RGL1: variants seen among roughly 807,000 people sequenced by gnomAD.
RGL1 encodes the protein ral guanine nucleotide dissociation stimulator like 1.
RGL1 carries 24 observed loss-of-function variants against 95.2 expected under a neutral mutation model. That is an observed-to-expected ratio of 0.25 (90% confidence interval 0.18 to 0.35). The LOEUF (loss-of-function observed/expected upper bound fraction) is 0.35. Among genes scored for constraint, RGL1 ranks in the 10% least tolerant of loss-of-function variants. The pLI is 1.00. For synonymous variants in RGL1, 329 were observed against 344.9 expected (o/e 0.95, Z 0.51); for missense variants, 715 against 936.3 (o/e 0.76, Z 3.08).
At chr1:183,848,929 G>A (rs1030136011) in intron 3 of RGL1, among the ~76,000 whole-genome samples, 1 of 151,992 alleles carries the variant, frequency 6.6e-6, no homozygotes, top group Non-Finnish European at 1.5e-5. Context: ...ACACTTTTGG[G>A]TGTATAGAAA....
At chr1:183,897,189 T>G (rs1667749572) in intron 9 of RGL1, among the ~76,000 whole-genome samples, 1 of 152,176 alleles carries the variant, frequency 6.6e-6, no homozygotes, top group Non-Finnish European at 1.5e-5. Context: ...ATTGCCTGGC[T>G]TGTATTGATG....
chr1:183,871,754 A>C (rs1484897501), intron 4 of RGL1, among the ~76,000 whole-genome samples: 1 of 152,218 alleles, frequency 6.6e-6, no homozygotes, highest in Non-Finnish European at 1.5e-5. Flanking sequence ...ACCACAACCG[A>C]CTAGTGTTCT....
Position 183,817,401 on chromosome 1 carries a change from G to T in RGL1, c.138+10916G>T, listed in dbSNP as rs113701631. ...GTCTTTCCATTTGCTGATTATAGCT[G>T]CTTCCTTCTTGCTTTCCATTTCTCT... On this transcript the variant is annotated intron_variant, in intron 2 of 17. Transcript: ENST00000360851. Among the ~76,000 whole-genome samples, 353 of 152,244 alleles carry T rather than the reference G, an allele frequency of 2.3e-3. 3 individuals are homozygous for T. Among genetic ancestry groups the T allele is most frequent in the African/African-American group, 7.8e-3 (326 of 41,558 alleles).
chr1:183,641,324 G>A (rs748790687), intron 1 of RGL1, among the ~76,000 whole-genome samples: 4 of 152,104 alleles, frequency 2.6e-5, no homozygotes, highest in Non-Finnish European at 5.9e-5. Context: ...TTGTAGAGAT[G>A]GGGTTTTGCT....
intron 17 of RGL1, among the ~76,000 whole-genome samples, chr1:183,925,213 G>T (rs1669549943): frequency 6.6e-6 from 1 of 152,180 alleles, no homozygotes. Context: ...TGTCTGTGAA[G>T]TGACAAGGTA....
chr1:183,732,650 C>T (rs370716953), intron 1 of RGL1, among the ~76,000 whole-genome samples: 6 of 152,226 alleles, frequency 3.9e-5, no homozygotes, highest in African/African-American at 9.6e-5. Context: ...ACAGAAGCCC[C>T]GCAGATGTAC....
intron 4 of RGL1, among the ~76,000 whole-genome samples, chr1:183,876,339 G>T (rs1320702752): frequency 6.6e-6 from 1 of 152,212 alleles, no homozygotes; most frequent in African/African-American, 2.4e-5. Context: ...GATTGCAGTC[G>T]GTTGGAAAAG....
intron 2 of RGL1, among the ~76,000 whole-genome samples, chr1:183,755,638 T>G (rs1245861459): frequency 6.6e-6 from 1 of 152,168 alleles, no homozygotes; most frequent in African/African-American, 2.4e-5. Flanking sequence ...CAACTATACA[T>G]TTAAAATGGA....
intron 2 of RGL1, among the ~76,000 whole-genome samples, chr1:183,806,832 C>A (rs1208365884): frequency 6.6e-6 from 1 of 152,094 alleles, no homozygotes; most frequent in Non-Finnish European, 1.5e-5. Flanking sequence ...TGCCCAGAAG[C>A]CACCCTTGTC....
chr1:183,757,017 G>GTTT (rs1334256397), intron 2 of RGL1, among the ~76,000 whole-genome samples: 1 of 80,798 alleles, frequency 1.2e-5, no homozygotes. Context: ...TGGGTGGTTT[G>GTTT]TTTGTTTTTT....
At chr1:183,666,241 G>A (rs1652032433) in intron 1 of RGL1, among the ~76,000 whole-genome samples, 1 of 151,936 alleles carries the variant, frequency 6.6e-6, no homozygotes, top group African/African-American at 2.4e-5. Context: ...CCGACCTCCG[G>A]TGATCCACCC....
chr1:183,914,205 C>A (rs1417291732), intron 15 of RGL1, among the ~76,000 whole-genome samples: 2 of 152,182 alleles, frequency 1.3e-5, no homozygotes, highest in East Asian at 1.9e-4. Flanking sequence ...CACCTTGTGG[C>A]ATAGTGGAAA....
intron 1 of RGL1, chr1:183,646,640 C>T (rs552271539): frequency 2.0e-5 from 3 of 152,158 alleles, no homozygotes; most frequent in South Asian, 2.1e-4. Context: ...TCACTGGTGA[C>T]GAGGATGGAG....
chr1:183,758,664 A>G (rs1658491354), intron 2 of RGL1, among the ~76,000 whole-genome samples: 1 of 151,930 alleles, frequency 6.6e-6, no homozygotes, highest in Admixed American at 6.6e-5. Flanking sequence ...TCCCTTTTAT[A>G]AGGGCATGAA....
At chr1:183,718,558 G>T (rs576711487) in intron 1 of RGL1, among the ~76,000 whole-genome samples, 8 of 152,292 alleles carry the variant, frequency 5.3e-5, no homozygotes, top group Non-Finnish European at 8.8e-5. Flanking sequence ...TGGGCTTTGA[G>T]TTTAGGCTGC....
Position 183,806,391 on chromosome 1 carries a change from G to C in RGL1, c.44G>C (p.Trp15Ser), listed in dbSNP as rs765565205. 3 of 1,613,582 alleles carry C rather than the reference G, an allele frequency of 1.9e-6. No homozygotes were observed. The highest frequency in any genetic ancestry group is 2.2e-5 in the East Asian group (1 of 44,872). The change falls in exon 2 of 18, where the codon TGG (tryptophan) becomes TCG (serine). Residue 15 changes from tryptophan to serine, a missense_variant. Around this residue, in one of 3 missense-constraint regions of RGL1, gnomAD observed 381 missense variants for 484.8 expected, o/e 0.79. Transcript: ENST00000360851. ...WQAKMSSIQD[W>S]GEEVEEGAVY... ...CCCTGGCAGAGCTCGATTCAGGACT[G>C]GGGTGAAGAGGTAGAGGAAGGAGCT...
intron 1 of RGL1, among the ~76,000 whole-genome samples, chr1:183,645,490 AT>A (rs1217955767): frequency 1.3e-5 from 2 of 152,036 alleles, no homozygotes; most frequent in Non-Finnish European, 2.9e-5. Context: ...ATTTACTTCT[AT>A]TTTCTTTATT....
chr1:183,877,921 A>C (rs1283083761), intron 4 of RGL1, among the ~76,000 whole-genome samples: 1 of 152,184 alleles, frequency 6.6e-6, no homozygotes, highest in Admixed American at 6.5e-5. Context: ...CATAGAGGTA[A>C]GTGCTGTGTG....
chr1:183,829,792 C>G (rs1273192064), intron 2 of RGL1, among the ~76,000 whole-genome samples: 1 of 152,156 alleles, frequency 6.6e-6, no homozygotes, highest in Non-Finnish European at 1.5e-5. Flanking sequence ...ATGCTGTTCC[C>G]TCCCCTGAAA....
Sources: gnomAD v4.1 joint callset for allele counts (sites outside exome capture counted in the v4.1 genomes callset) on GRCh38, gnomAD v4.1.1 for gene constraint, gnomAD v4.1.1 regional missense constraint, MANE v1.5 for transcripts, NCBI Gene and HGNC (gene_info 2026-07-23, HGNC 2026-07-21) for gene names.